Variants in INPP4B observed in about 807,000 individuals in gnomAD.
INPP4B encodes inositol polyphosphate-4-phosphatase type II B, also known as inositol polyphosphate 4-phosphatase type II.
A neutral mutation model predicts 122.5 loss-of-function variants in INPP4B; 55 were observed. The observed-to-expected ratio is 0.45, with a 90% confidence interval of 0.36 to 0.56. The LOEUF (loss-of-function observed/expected upper bound fraction) is 0.56. Among genes scored for constraint, INPP4B ranks in the 20% least tolerant of loss-of-function variants. INPP4B has a pLI of 0.00. For missense variants in INPP4B, 1,000 were observed against 1,097.7 expected (o/e 0.91, Z 1.26); for synonymous variants, 403 against 388.7 (o/e 1.04, Z -0.43).
chr4:142,835,351 G>A (rs1782651645), intron 1 of INPP4B, among the ~76,000 whole-genome samples: 1 of 152,238 alleles, frequency 6.6e-6, no homozygotes, highest in South Asian at 2.1e-4. Flanking sequence ...GTTAACAAAA[G>A]GAAGGCTTTC....
chr4:142,747,789 A>G (rs1325937497), intron 1 of INPP4B, among the ~76,000 whole-genome samples: 1 of 152,164 alleles, frequency 6.6e-6, no homozygotes, highest in Admixed American at 6.6e-5. Context: ...CAAACACTGC[A>G]TGTTCCCACT....
intron 2 of INPP4B, among the ~76,000 whole-genome samples, chr4:142,641,709 G>A (rs1340459180): frequency 2.0e-5 from 3 of 152,018 alleles, no homozygotes; most frequent in Non-Finnish European, 4.4e-5. Flanking sequence ...GCTATTGTGA[G>A]TAGTGCTGCA....
At chr4:142,046,195 T>C (rs1333111541) in intron 25 of INPP4B, among the ~76,000 whole-genome samples, 1 of 152,148 alleles carries the variant, frequency 6.6e-6, no homozygotes, top group Non-Finnish European at 1.5e-5. Flanking sequence ...AAGTGTTATT[T>C]ATAGCAACTT....
intron 2 of INPP4B, among the ~76,000 whole-genome samples, chr4:142,466,314 T>G (rs1459964089): frequency 6.6e-6 from 1 of 152,168 alleles, no homozygotes; most frequent in Non-Finnish European, 1.5e-5. Flanking sequence ...AGAATAAAAG[T>G]CACCCTTCTC....
chr4:142,184,372 A>T (rs1459274424), intron 15 of INPP4B, among the ~76,000 whole-genome samples: 2 of 152,186 alleles, frequency 1.3e-5, no homozygotes. Flanking sequence ...CTAATGTTAT[A>T]CCTGCCAAAT....
At chr4:142,602,632 A>AT (rs1456140047) in intron 2 of INPP4B, among the ~76,000 whole-genome samples, 2 of 152,244 alleles carry the variant, frequency 1.3e-5, no homozygotes, top group Non-Finnish European at 2.9e-5. Context: ...ATCACTGATC[A>AT]TTAGAAAAAT....
chr4:142,723,417 C>G (rs1279492076), intron 2 of INPP4B, among the ~76,000 whole-genome samples: 1 of 152,036 alleles, frequency 6.6e-6, no homozygotes, highest in Non-Finnish European at 1.5e-5. Context: ...CATGGTATAC[C>G]TACCAGGTAT....
At chr4:142,179,810 C>T (rs1029443617) in intron 15 of INPP4B, among the ~76,000 whole-genome samples, 1 of 152,066 alleles carries the variant, frequency 6.6e-6, no homozygotes, top group Non-Finnish European at 1.5e-5. Flanking sequence ...ATTTCCTTTC[C>T]TGGCCTATTC....
chr4:142,630,089 T>C (rs1331726907), intron 2 of INPP4B, among the ~76,000 whole-genome samples: 1 of 152,132 alleles, frequency 6.6e-6, no homozygotes, highest in Non-Finnish European at 1.5e-5. Flanking sequence ...TGGCAATATG[T>C]AAGCCCAACG....
chr4:142,447,961 A>G (rs1380562108), intron 3 of INPP4B, among the ~76,000 whole-genome samples: 1 of 152,190 alleles, frequency 6.6e-6, no homozygotes, highest in Admixed American at 6.5e-5. Flanking sequence ...ACTGTTTTTC[A>G]TAGAAACAGA....
intron 11 of INPP4B, among the ~76,000 whole-genome samples, chr4:142,252,382 G>A (rs1463586819): frequency 6.6e-6 from 1 of 151,670 alleles, no homozygotes; most frequent in African/African-American, 2.4e-5. Context: ...TAGAGACGGG[G>A]TTTCGCCGTG....
At chr4:142,713,554 AAAGG>A (rs1288365013) in intron 2 of INPP4B, among the ~76,000 whole-genome samples, 1 of 152,226 alleles carries the variant, frequency 6.6e-6, no homozygotes, top group Non-Finnish European at 1.5e-5. Context: ...CTCAAAGAGA[AAAGG>A]AAGTGATTGA....
intron 2 of INPP4B, among the ~76,000 whole-genome samples, chr4:142,660,043 AC>A (rs1754879391): frequency 6.6e-6 from 1 of 152,150 alleles, no homozygotes; most frequent in Non-Finnish European, 1.5e-5. Flanking sequence ...AATTAAGCCA[AC>A]CCCAAGCTTC....
intron 9 of INPP4B, among the ~76,000 whole-genome samples, chr4:142,301,896 T>C (rs912058877): frequency 2.6e-5 from 4 of 152,188 alleles, no homozygotes; most frequent in Admixed American, 6.5e-5. Context: ...TACTTTAAGA[T>C]CAATATAATT....
chr4:142,763,433 C>G (rs1214254205), intron 1 of INPP4B, among the ~76,000 whole-genome samples: 1 of 152,026 alleles, frequency 6.6e-6, no homozygotes, highest in Non-Finnish European at 1.5e-5. Context: ...CACTAAATAA[C>G]AATATGTAAA....
At chr4:142,520,894 A>C (rs1261596083) in intron 2 of INPP4B, among the ~76,000 whole-genome samples, 2 of 152,012 alleles carry the variant, frequency 1.3e-5, no homozygotes, top group African/African-American at 4.8e-5. Context: ...CATTTGTTTG[A>C]AAATAAATAC....
intron 23 of INPP4B, among the ~76,000 whole-genome samples, chr4:142,105,703 G>C (rs754048532): frequency 2.0e-5 from 3 of 152,028 alleles, no homozygotes; most frequent in Non-Finnish European, 2.9e-5. Context: ...CATTTAAAAA[G>C]AGAATCAGTA....
At chr4:142,789,101 T>C (rs2151057243) in intron 1 of INPP4B, among the ~76,000 whole-genome samples, 1 of 152,070 alleles carries the variant, frequency 6.6e-6, no homozygotes, top group East Asian at 1.9e-4. Context: ...ATAAAAGCCA[T>C]CTATGACAAA....
chr4:142,146,881 A>G (rs1811043701), intron 17 of INPP4B, among the ~76,000 whole-genome samples: 1 of 152,184 alleles, frequency 6.6e-6, no homozygotes. Flanking sequence ...CCTCTTTGCC[A>G]CTAATCTTCC....
Sources: allele counts gnomAD v4.1 joint callset (sites outside exome capture counted in the v4.1 genomes callset), GRCh38; gene constraint gnomAD v4.1.1; transcripts MANE v1.5; gene names NCBI Gene and HGNC (gene_info 2026-07-23, HGNC 2026-07-21).